ADAMTS9: variants seen among roughly 807,000 people sequenced by gnomAD.
The protein encoded by ADAMTS9 is ADAM metallopeptidase with thrombospondin type 1 motif 9.
Under a neutral mutation model 257.1 loss-of-function variants are expected in ADAMTS9, and 107 were observed. The ratio of observed to expected loss-of-function variants is 0.42; its 90% CI spans 0.36 to 0.49. The LOEUF is 0.49. Among genes scored for constraint, ADAMTS9 ranks in the 20% least tolerant of loss-of-function variants. ADAMTS9 has a pLI of 0.03. For synonymous variants in ADAMTS9, 982 were observed against 880.9 expected, an observed-to-expected ratio of 1.11 and a Z score of -2.03; for missense variants, 2,353 against 2,469.1, an observed-to-expected ratio of 0.95 and a Z score of 1.00.
intron 28 of ADAMTS9, chr3:64,583,821 T>C (rs2084069677): frequency 6.6e-6 from 1 of 152,122 alleles, no homozygotes; most frequent in Non-Finnish European, 1.5e-5. Flanking sequence ...CTGCTGAACA[T>C]CCGCTCAATG....
chr3:64,581,363 T>C (rs1026740023), intron 28 of ADAMTS9, among the ~76,000 whole-genome samples: 1 of 152,178 alleles, frequency 6.6e-6, no homozygotes, highest in Admixed American at 6.5e-5. Flanking sequence ...AAAAAAATTT[T>C]TAATTTCATT....
At chr3:64,655,092 G>T (rs1221979513) in intron 6 of ADAMTS9, among the ~76,000 whole-genome samples, 2 of 152,188 alleles carry the variant, frequency 1.3e-5, no homozygotes, top group African/African-American at 4.8e-5. Context: ...TAGAAAACTT[G>T]GGAGGTTTCA....
intron 26 of ADAMTS9, among the ~76,000 whole-genome samples, chr3:64,598,574 C>T (rs2084405039): frequency 1.3e-5 from 2 of 152,114 alleles, no homozygotes; most frequent in African/African-American, 2.4e-5. Context: ...CCTGTCTTAG[C>T]CTCCCAAAAT....
At chr3:64,637,163 C>G (rs555882653) in intron 12 of ADAMTS9, among the ~76,000 whole-genome samples, 1 of 152,280 alleles carries the variant, frequency 6.6e-6, no homozygotes, top group South Asian at 2.1e-4. Flanking sequence ...TTTCCTCTCT[C>G]CCAGATTGCT....
chr3:64,680,528 G>T (rs1217154500), intron 3 of ADAMTS9, among the ~76,000 whole-genome samples: 1 of 152,150 alleles, frequency 6.6e-6, no homozygotes, highest in African/African-American at 2.4e-5. Context: ...TTTCCAGGGT[G>T]CCCAGAATGA....
At chr3:64,553,406 G>T (rs776445339) in intron 30 of ADAMTS9, among the ~76,000 whole-genome samples, 4 of 152,206 alleles carry the variant, frequency 2.6e-5, no homozygotes, top group African/African-American at 9.6e-5. Flanking sequence ...GGCTGAATAA[G>T]ATTCTGTTGT....
chr3:64,642,585 C>T (rs562591113), intron 11 of ADAMTS9, among the ~76,000 whole-genome samples: 2 of 152,240 alleles, frequency 1.3e-5, no homozygotes, highest in African/African-American at 4.8e-5. Flanking sequence ...GATTCTCCAG[C>T]CTGGAGCAGG....
chr3:64,639,312 T>TA (rs761906399), intron 12 of ADAMTS9, among the ~76,000 whole-genome samples: 598 of 89,262 alleles, frequency 6.7e-3, no homozygotes, highest in East Asian at 0.015. Context: ...TTTTTTTTTT[T>TA]AAAAAAAAAA....
rs1187758233 is a variant in ADAMTS9, at chr3:64,604,402, T to C, written c.3475-71A>G. 7 of 1,112,602 alleles carry C rather than the reference T, an allele frequency of 6.3e-6. No homozygotes were observed. In the East Asian group the frequency reaches 1.4e-4, roughly 23 times the overall value. The allele number at this position is 1,112,602 out of a possible 1,614,324, so 68.9% of individuals were successfully genotyped here. A position where few individuals can be genotyped will look rare whatever the true frequency, so the allele number is the denominator to read the frequency against. On this transcript the variant is annotated intron_variant, in intron 23 of 39. Transcript: ENST00000498707. ...TGCACTTTCAAGGTAATGGTCATGGTGGATAAAAATGTAAAGGCTAAGAAT... is the reference window on the plus strand; with the variant it reads ...TGCACTTTCAAGGTAATGGTCATGGCGGATAAAAATGTAAAGGCTAAGAAT...
rs555640611 is a variant in ADAMTS9 at position 64,538,352 on chromosome 3, A to G, written c.5613+851T>C. On this transcript the variant is annotated intron_variant, in intron 37 of 39. Coordinates refer to ENST00000498707, the MANE Select transcript of ADAMTS9 (RefSeq NM_182920.2). Reference sequence around the variant, plus strand: ...ATTTCTGACTACCATTCAGGAACCAAAGGAAACCCAGATAAGTCTTGAAAA... The same window carrying G: ...ATTTCTGACTACCATTCAGGAACCAGAGGAAACCCAGATAAGTCTTGAAAA... 5.9e-5 allele frequency among the ~76,000 whole-genome samples: 9 copies of G among 152,212 alleles called. 1 individual carries two copies. The highest frequency in any genetic ancestry group is 2.2e-4 in the African/African-American group (9 of 41,512).
At chr3:64,599,294 T>C (rs1271693281) in intron 26 of ADAMTS9, among the ~76,000 whole-genome samples, 1 of 152,252 alleles carries the variant, frequency 6.6e-6, no homozygotes, top group Non-Finnish European at 1.5e-5. Flanking sequence ...ACTTTCAGTC[T>C]GGACTTTTGT....
At chr3:64,621,793 TA>T (rs371561807) in intron 18 of ADAMTS9, among the ~76,000 whole-genome samples, 2 of 140,150 alleles carry the variant, frequency 1.4e-5, no homozygotes, top group Admixed American at 7.0e-5. Flanking sequence ...AATAAAAAAA[TA>T]AAAAGAAAAG....
chr3:64,686,752 A>G lies in ADAMTS9; in HGVS notation c.332T>C (p.Phe111Ser). 1 of 1,614,192 alleles carries G rather than the reference A, an allele frequency of 6.2e-7. No homozygotes were observed. Among genetic ancestry groups the G allele is most frequent in the Non-Finnish European group, 8.5e-7 (1 of 1,180,034 alleles). ...AAATCCGGCATTGGCGGTGAGATTA[A>G]ATAGAAACTGCTGGCCGAAGGCAGA... ...RLSAFGQQFL[F>S]NLTANAGFIA... Residue 111 changes from phenylalanine (F) to serine (S), a missense_variant, in exon 2 of 40, where the codon TTT (phenylalanine) becomes TCT (serine). Transcript: ENST00000498707. The surrounding 1 kb of genome is among the most constrained non-coding windows in gnomAD (Gnocchi z 4.6).
intron 2 of ADAMTS9, 132 bp from the exon 3 acceptor site, chr3:64,681,495 T>C (rs368425892): frequency 3.5e-6 from 3 of 866,264 alleles, no homozygotes; most frequent in East Asian, 5.6e-5. Context: ...TTGTTTCAAC[T>C]GAAAATGCTG....
At chr3:64,562,137 G>A (rs1319869690) in intron 29 of ADAMTS9, among the ~76,000 whole-genome samples, 8 of 152,176 alleles carry the variant, frequency 5.3e-5, no homozygotes, top group Admixed American at 2.0e-4. Flanking sequence ...GAAAACTGGA[G>A]AGACAGTGTT....
intron 28 of ADAMTS9, chr3:64,587,597 T>G (rs781389943): frequency 2.6e-5 from 4 of 152,096 alleles, no homozygotes; most frequent in Non-Finnish European, 5.9e-5. Context: ...GCTACTAGAT[T>G]TTTTTGGCCA....
chr3:64,522,051 G>C (rs2082859217), intron 39 of ADAMTS9, 115 bp downstream of exon 39: 1 of 808,636 alleles, frequency 1.2e-6, no homozygotes, highest in African/African-American at 1.7e-5. Context: ...ACTGTATTGG[G>C]TCAGCTTCAA....
intron 3 of ADAMTS9, among the ~76,000 whole-genome samples, chr3:64,663,195 A>G (rs1487680055): frequency 6.6e-6 from 1 of 152,150 alleles, no homozygotes; most frequent in Non-Finnish European, 1.5e-5. Context: ...ATGATTATAC[A>G]TATCTGTGGA....
At chr3:64,537,499 T>C (rs550139017) in intron 37 of ADAMTS9, among the ~76,000 whole-genome samples, 4 of 152,318 alleles carry the variant, frequency 2.6e-5, no homozygotes, top group Admixed American at 6.5e-5. Context: ...ATTATGTCCT[T>C]TGTTTATTTT....
Sources: allele counts gnomAD v4.1 joint callset (sites outside exome capture counted in the v4.1 genomes callset), GRCh38; gene constraint gnomAD v4.1.1; non-coding constraint Gnocchi (gnomAD v3.1); transcripts MANE v1.5; gene names NCBI Gene and HGNC (gene_info 2026-07-23, HGNC 2026-07-21).